Variants in DLGAP2 observed in about 807,000 individuals in gnomAD.
The protein encoded by DLGAP2 is disks large-associated protein 2.
DLGAP2 carries 26 observed loss-of-function variants against 100.3 expected under a neutral mutation model. That is an observed-to-expected ratio of 0.26 (90% confidence interval 0.19 to 0.36). The LOEUF (loss-of-function observed/expected upper bound fraction) is 0.36, where lower values mean the gene tolerates loss of function less well. Among genes scored for constraint, DLGAP2 ranks in the 10% least tolerant of loss-of-function variants. DLGAP2 has a pLI of 1.00. For synonymous variants in DLGAP2, 886 were observed against 630.1 expected (o/e 1.41, Z -6.08); for missense variants, 1,858 against 1,453.2 (o/e 1.28, Z -4.53).
chr8:1,382,401 A>G (rs538598034), intron 3 of DLGAP2, among the ~76,000 whole-genome samples: 4 of 152,274 alleles, frequency 2.6e-5, no homozygotes, highest in South Asian at 2.1e-4. Flanking sequence ...GTTCCAACCA[A>G]TGTTGTTCAA....
At chr8:1,578,252 G>T (rs1235149943) in intron 6 of DLGAP2, among the ~76,000 whole-genome samples, 1 of 152,166 alleles carries the variant, frequency 6.6e-6, no homozygotes, top group African/African-American at 2.4e-5. Flanking sequence ...TGGTGTACAT[G>T]AACAACTTCT....
chr8:1,660,537 C>T (rs997955208), intron 8 of DLGAP2, among the ~76,000 whole-genome samples: 2 of 152,168 alleles, frequency 1.3e-5, no homozygotes, highest in East Asian at 3.8e-4. Context: ...TGTAAAAATG[C>T]GTCTGGTATC....
In DLGAP2 at chr8:1,500,549, G is replaced by C. The variant is rs552050557; in HGVS notation, c.107-817G>C. ...AAGGCAGCCTGGAGAGTCGGCACCT[G>C]GTTTCCTGGGCAGAGCCCACTGGGA... On this transcript the variant is annotated intron_variant, in intron 3 of 14. Coordinates refer to ENST00000637795, the MANE Select transcript of DLGAP2 (RefSeq NM_001346810.2). Among the ~76,000 whole-genome samples the C allele has an allele frequency of 3.9e-5, 6 of 152,408 alleles. No individual in the cohort carries two copies. In the East Asian group the frequency reaches 9.6e-4, roughly 24 times the overall value.
At chr8:828,700 G>A (rs1375640147) in intron 1 of DLGAP2, among the ~76,000 whole-genome samples, 2 of 152,180 alleles carry the variant, frequency 1.3e-5, no homozygotes, top group Non-Finnish European at 2.9e-5. Flanking sequence ...TTGGGGAAGT[G>A]ATAAGTGTCC....
intron 1 of DLGAP2, among the ~76,000 whole-genome samples, chr8:743,221 A>C (rs946456242): frequency 1.3e-5 from 2 of 152,244 alleles, no homozygotes; most frequent in Non-Finnish European, 2.9e-5. Context: ...AACCATGAGG[A>C]TGGATGTAAT....
chr8:1,446,936 T>C (rs991906585), intron 3 of DLGAP2, among the ~76,000 whole-genome samples: 3 of 152,224 alleles, frequency 2.0e-5, no homozygotes, highest in Non-Finnish European at 2.9e-5. Context: ...TTTTGTACAT[T>C]GATTTTGTAT....
intron 2 of DLGAP2, among the ~76,000 whole-genome samples, chr8:1,182,111 G>C (rs565740492): frequency 1.3e-5 from 2 of 152,360 alleles, no homozygotes; most frequent in South Asian, 4.1e-4. Flanking sequence ...GCTCACAACA[G>C]CGTCTCCTCC....
chr8:1,128,460 A>G (rs1194668912), intron 2 of DLGAP2, among the ~76,000 whole-genome samples: 2 of 152,216 alleles, frequency 1.3e-5, no homozygotes, highest in East Asian at 3.8e-4. Context: ...CTGGGCTTAG[A>G]TGTACAGACC....
chr8:944,561 C>A (rs113075759), intron 2 of DLGAP2, among the ~76,000 whole-genome samples: 148 of 150,922 alleles, frequency 9.8e-4, no homozygotes, highest in African/African-American at 3.3e-3. Context: ...GTGGCTGACC[C>A]AGTGGGTGGT....
intron 2 of DLGAP2, among the ~76,000 whole-genome samples, chr8:1,120,296 C>A (rs1246161808): frequency 6.6e-6 from 1 of 152,178 alleles, no homozygotes; most frequent in Admixed American, 6.5e-5. Flanking sequence ...GCTCAAATCA[C>A]ACTCATTAGG....
At chr8:1,379,384 A>G (rs1288145547) in intron 3 of DLGAP2, among the ~76,000 whole-genome samples, 2 of 152,250 alleles carry the variant, frequency 1.3e-5, no homozygotes, top group South Asian at 4.1e-4. Context: ...GTACGCCGAC[A>G]TCCCTTATCT....
chr8:941,448 T>C (rs1799193542), intron 2 of DLGAP2, among the ~76,000 whole-genome samples: 1 of 151,250 alleles, frequency 6.6e-6, no homozygotes, highest in South Asian at 2.1e-4. Context: ...CACATCAGGC[T>C]GGAAACCCGT....
intron 1 of DLGAP2, among the ~76,000 whole-genome samples, chr8:818,214 G>T (rs1267362333): frequency 6.6e-6 from 1 of 152,156 alleles, no homozygotes; most frequent in African/African-American, 2.4e-5. Flanking sequence ...CCAGGCCAAT[G>T]AAGTTATATT....
rs573616067 is a variant in DLGAP2 at position 1,212,579 on chromosome 8, C to G, written c.74-46272C>G. ...GTGGAGAGAGAGACGTATTAACAAA[C>G]TGCAGTCTAGAATGAGGAGGCAGAC... On this transcript the variant is annotated intron_variant, in intron 2 of 14. Coordinates refer to ENST00000637795, the MANE Select transcript of DLGAP2 (RefSeq NM_001346810.2). Among the ~76,000 whole-genome samples the G allele has an allele frequency of 9.9e-5, 15 of 152,190 alleles. No individual in the cohort carries two copies. In the South Asian group the frequency reaches 3.1e-3, roughly 32 times the overall value.
chr8:948,843 C>T lies in DLGAP2; in HGVS notation c.73+40877C>T, dbSNP rs374360005. On this transcript the variant is annotated intron_variant, in intron 2 of 14. Coordinates refer to ENST00000637795, the MANE Select transcript of DLGAP2 (RefSeq NM_001346810.2). ...CACCTCATGCTTTGGAGCAGAGGCG[C>T]GTCCTGGCCTGAAGCCACTCGGGAG... 1.1e-4 allele frequency among the ~76,000 whole-genome samples: 16 copies of T among 152,378 alleles called. No homozygotes were observed. The East Asian group carries it at 1.2e-3, about 11-fold the overall frequency.
intron 2 of DLGAP2, among the ~76,000 whole-genome samples, chr8:1,176,117 C>G (rs1440652452): frequency 1.3e-5 from 2 of 152,146 alleles, no homozygotes; most frequent in Non-Finnish European, 2.9e-5. Context: ...ACTCACAGTT[C>G]CACATGGCTG....
At chr8:1,316,644 C>T (rs1563078752) in intron 3 of DLGAP2, among the ~76,000 whole-genome samples, 2 of 142,704 alleles carry the variant, frequency 1.4e-5, no homozygotes, top group Non-Finnish European at 1.5e-5. Context: ...GTCTCTCCAA[C>T]AGTGGTCTAC....
chr8:1,660,246 C>G (rs766793481), intron 8 of DLGAP2, among the ~76,000 whole-genome samples: 2 of 152,132 alleles, frequency 1.3e-5, no homozygotes, highest in Non-Finnish European at 2.9e-5. Flanking sequence ...TGTGTGTAAC[C>G]TGACCTTTCT....
chr8:1,076,424 A>T (rs1012355878), intron 2 of DLGAP2, among the ~76,000 whole-genome samples: 1 of 152,156 alleles, frequency 6.6e-6, no homozygotes, highest in Admixed American at 6.5e-5. Context: ...TATTTTGCGG[A>T]AAGTCGGATG....
Sources: allele counts gnomAD v4.1 joint callset (sites outside exome capture counted in the v4.1 genomes callset), GRCh38; gene constraint gnomAD v4.1.1; transcripts MANE v1.5; gene names NCBI Gene and HGNC (gene_info 2026-07-23, HGNC 2026-07-21).